ZMYM4: variants seen among roughly 807,000 people sequenced by gnomAD.
ZMYM4 encodes zinc finger MYM-type containing 4, also known as zinc finger MYM-type protein 4.
A neutral mutation model predicts 183.2 loss-of-function variants in ZMYM4; 31 were observed. That is an observed-to-expected ratio of 0.17 (90% confidence interval 0.13 to 0.23). The LOEUF is 0.23. Ranked by LOEUF, ZMYM4 falls within the 10% of genes least tolerant of loss-of-function variation. The pLI, the probability that ZMYM4 is intolerant of heterozygous loss-of-function variation, is 1.00. For synonymous variants in ZMYM4, 592 were observed against 631.2 expected, an observed-to-expected ratio of 0.94 and a Z score of 0.93; for missense variants, 1,273 against 1,840.3, an observed-to-expected ratio of 0.69 and a Z score of 5.64.
At chr1:35,394,986 A>G (rs1644782221) in intron 18 of ZMYM4, among the ~76,000 whole-genome samples, 1 of 152,122 alleles carries the variant, frequency 6.6e-6, no homozygotes, top group Admixed American at 6.5e-5. Context: ...TTTAAACTAG[A>G]AGGAAATTCT....
At chr1:35,277,819 C>T (rs1639947716) in intron 1 of ZMYM4, among the ~76,000 whole-genome samples, 1 of 152,024 alleles carries the variant, frequency 6.6e-6, no homozygotes, top group Non-Finnish European at 1.5e-5. Flanking sequence ...CTCACAACTC[C>T]CAAAGGTGAG....
At chr1:35,290,074 T>C (rs1030647898) in intron 1 of ZMYM4, among the ~76,000 whole-genome samples, 1 of 151,724 alleles carries the variant, frequency 6.6e-6, no homozygotes, top group Non-Finnish European at 1.5e-5. Context: ...CTCAAGTGAT[T>C]CTCCCACCTC....
chr1:35,356,612 C>A (rs1291667428), intron 2 of ZMYM4, among the ~76,000 whole-genome samples: 2 of 152,094 alleles, frequency 1.3e-5, no homozygotes, highest in African/African-American at 4.8e-5. Flanking sequence ...TCATTATTTA[C>A]CCTCATACTG....
chr1:35,386,067 T>G lies in ZMYM4; in HGVS notation c.1721-7T>G. On this transcript the variant is annotated splice_polypyrimidine_tract_variant and splice_region_variant and intron_variant, in intron 10 of 29. Transcript: ENST00000314607. Reference sequence around the variant, plus strand: ...TTACTCATTGGTTTTTATTTTGATTTGCTAAGGTGTACAAGTTCAGTGTAA... The same window carrying G: ...TTACTCATTGGTTTTTATTTTGATTGGCTAAGGTGTACAAGTTCAGTGTAA... The G allele has an allele frequency of 6.2e-7, 1 of 1,601,418 alleles. No individual in the cohort carries two copies. Among genetic ancestry groups the G allele is most frequent in the Non-Finnish European group, 8.5e-7 (1 of 1,169,808 alleles).
chr1:35,401,471 A>T (rs901970016), intron 23 of ZMYM4, among the ~76,000 whole-genome samples: 3 of 151,346 alleles, frequency 2.0e-5, no homozygotes, highest in African/African-American at 7.3e-5. Context: ...CATTTTTTTC[A>T]TTTTTTTGTT....
At chr1:35,393,853 A>C in intron 18 of ZMYM4, 114 bp downstream of exon 18, 2 of 1,226,360 alleles carry the variant, frequency 1.6e-6, no homozygotes, top group Middle Eastern at 2.1e-4. Context: ...GTTTGTATAC[A>C]TTGCCCAATT....
At position 35,316,510 on chromosome 1, in the gene ZMYM4, G is replaced by A. The variant is rs577996886; in HGVS notation, c.40-8850G>A. On this transcript the variant is annotated intron_variant, in intron 1 of 29. Transcript: ENST00000314607. Reference sequence around the variant, plus strand: ...ACTATGTAATTAGCAGATGTCTCACGAGCAGTGACTAATCACATCACTTCT... The same window carrying A: ...ACTATGTAATTAGCAGATGTCTCACAAGCAGTGACTAATCACATCACTTCT... Among the ~76,000 whole-genome samples, 178 of 152,280 alleles carry A rather than the reference G, an allele frequency of 1.2e-3. 1 individual carries two copies. The highest frequency in any genetic ancestry group is 4.1e-3 in the African/African-American group (171 of 41,548).
intron 2 of ZMYM4, among the ~76,000 whole-genome samples, chr1:35,356,889 A>G (rs1643838955): frequency 6.6e-6 from 1 of 151,848 alleles, no homozygotes; most frequent in Non-Finnish European, 1.5e-5. Context: ...TCAGAAAAAA[A>G]AAAGAAAGAA....
rs1642797181 is a variant in ZMYM4 at position 35,332,449 on chromosome 1, GAGA to G, written c.85+7048_85+7050del. Among the ~76,000 whole-genome samples, 4 of 145,796 alleles carry G rather than the reference GAGA, an allele frequency of 2.7e-5. No individual in the cohort carries two copies. In the South Asian group the frequency reaches 8.8e-4, roughly 32 times the overall value. ...CTCCACAATGTCTTTGGTCTTGACT[GAGA>G]AGATTTGGAGGCTGAAGTTGACTGA... On this transcript the variant is annotated intron_variant, in intron 2 of 29. Transcript: ENST00000314607.
intron 1 of ZMYM4, among the ~76,000 whole-genome samples, chr1:35,311,727 C>T (rs2148784054): frequency 6.6e-6 from 1 of 151,546 alleles, no homozygotes; most frequent in South Asian, 2.1e-4. Flanking sequence ...TTTTTACACT[C>T]CACTGTTAAA....
At chr1:35,345,206 G>T (rs1236460236) in intron 2 of ZMYM4, among the ~76,000 whole-genome samples, 1 of 152,170 alleles carries the variant, frequency 6.6e-6, no homozygotes, top group Non-Finnish European at 1.5e-5. Flanking sequence ...AATTTAATTA[G>T]AATTAAGTTT....
At chr1:35,319,028 GGGCCATGAT>G (rs1642174102) in intron 1 of ZMYM4, among the ~76,000 whole-genome samples, 1 of 152,060 alleles carries the variant, frequency 6.6e-6, no homozygotes, top group African/African-American at 2.4e-5. Flanking sequence ...TTACAGGCAT[GGGCCATGAT>G]GGCCAGCTAA....
At chr1:35,369,867 T>A (rs1000328061) in intron 5 of ZMYM4, among the ~76,000 whole-genome samples, 162 bp from the exon 6 acceptor site, 1 of 152,112 alleles carries the variant, frequency 6.6e-6, no homozygotes, top group Non-Finnish European at 1.5e-5. Context: ...TTACCTATAT[T>A]TAATTATAGT....
chr1:35,370,166 G>A, intron 6 of ZMYM4, 53 bp downstream of exon 6: 1 of 1,586,016 alleles, frequency 6.3e-7, no homozygotes, highest in Non-Finnish European at 8.6e-7. Flanking sequence ...CAATATGAAT[G>A]AGAAGAAATT....
intron 1 of ZMYM4, among the ~76,000 whole-genome samples, chr1:35,295,288 G>GTA (rs1454018166): frequency 3.9e-5 from 6 of 152,192 alleles, no homozygotes; most frequent in Non-Finnish European, 8.8e-5. Context: ...AGTCATATGG[G>GTA]TATCTGATAG....
At chr1:35,365,032 A>G (rs898036049) in intron 5 of ZMYM4, among the ~76,000 whole-genome samples, 2 of 152,032 alleles carry the variant, frequency 1.3e-5, no homozygotes, top group African/African-American at 4.8e-5. Flanking sequence ...ATTCTATTGC[A>G]TGTTTCTATA....
chr1:35,273,043 A>G (rs1557882212), intron 1 of ZMYM4, among the ~76,000 whole-genome samples: 1 of 152,194 alleles, frequency 6.6e-6, no homozygotes, highest in Non-Finnish European at 1.5e-5. Flanking sequence ...CATTGGGTTA[A>G]CAACCTTAAA....
intron 1 of ZMYM4, among the ~76,000 whole-genome samples, chr1:35,307,364 T>G (rs1268145457): frequency 1.3e-5 from 2 of 152,064 alleles, no homozygotes; most frequent in African/African-American, 4.8e-5. Flanking sequence ...AAAACCCCTG[T>G]ACCTTGGTAC....
chr1:35,324,928 C>A (rs1449517018), intron 1 of ZMYM4, among the ~76,000 whole-genome samples: 4 of 152,004 alleles, frequency 2.6e-5, no homozygotes, highest in African/African-American at 4.8e-5. Context: ...GCCTCACTTT[C>A]AATTTAAGAG....
Sources: gnomAD v4.1 joint callset for allele counts (sites outside exome capture counted in the v4.1 genomes callset) on GRCh38, gnomAD v4.1.1 for gene constraint, MANE v1.5 for transcripts, NCBI Gene and HGNC (gene_info 2026-07-23, HGNC 2026-07-21) for gene names.